ARL15: variants seen among roughly 807,000 people sequenced by gnomAD.
ARL15 encodes the protein ARF like GTPase 15.
Under a neutral mutation model 25.2 loss-of-function variants are expected in ARL15, and 19 were observed. The observed-to-expected ratio is 0.75, with a 90% CI of 0.53 to 1.10. ARL15 has a LOEUF of 1.10. ARL15 is among the 50% of genes least tolerant of loss of function. ARL15 has a pLI of 0.00. For synonymous variants in ARL15, 94 were observed against 86.8 expected, an observed-to-expected ratio of 1.08 and a Z score of -0.46; for missense variants, 220 against 246.0, an observed-to-expected ratio of 0.89 and a Z score of 0.71.
chr5:54,300,674 C>G (rs1205584398), intron 1 of ARL15, among the ~76,000 whole-genome samples: 1 of 152,234 alleles, frequency 6.6e-6, no homozygotes, highest in Non-Finnish European at 1.5e-5. Flanking sequence ...TTACAAAATT[C>G]TGGCAATTCT....
chr5:54,079,592 C>A (rs796326804), intron 4 of ARL15, among the ~76,000 whole-genome samples: 19 of 152,104 alleles, frequency 1.2e-4, no homozygotes, highest in Admixed American at 3.3e-4. Flanking sequence ...TAGATAGATA[C>A]CTGTAGAAAA....
chr5:54,038,828 C>T (rs1161373751), intron 4 of ARL15, among the ~76,000 whole-genome samples: 1 of 152,078 alleles, frequency 6.6e-6, no homozygotes, highest in East Asian at 1.9e-4. Flanking sequence ...TATATTCATA[C>T]CCCATTTCCA....
intron 1 of ARL15, among the ~76,000 whole-genome samples, chr5:54,293,373 TATC>T (rs1351651457): frequency 2.0e-5 from 3 of 152,168 alleles, no homozygotes; most frequent in South Asian, 2.1e-4. Flanking sequence ...TGTAAGTAAA[TATC>T]ATAAATATAG....
chr5:54,299,838 C>A (rs1327317387), intron 1 of ARL15, among the ~76,000 whole-genome samples: 1 of 152,026 alleles, frequency 6.6e-6, no homozygotes, highest in African/African-American at 2.4e-5. Context: ...ACATACACCT[C>A]GGCCTCTCAA....
intron 4 of ARL15, among the ~76,000 whole-genome samples, chr5:54,078,290 A>G (rs156438): frequency 0.77 from 117,776 of 152,006 alleles, 45,914 homozygotes; most frequent in Non-Finnish European, 0.8. Context: ...CTTACTCCAC[A>G]GGCTGGTCTG....
At chr5:54,092,073 C>CACACA (rs143647206) in intron 4 of ARL15, among the ~76,000 whole-genome samples, 35 of 149,810 alleles carry the variant, frequency 2.3e-4, no homozygotes, top group African/African-American at 7.4e-4. Context: ...CACACACACA[C>CACACA]CACCACCACC....
intron 3 of ARL15, among the ~76,000 whole-genome samples, chr5:54,146,701 AAGAGG>A (rs1753921185): frequency 6.6e-6 from 1 of 152,178 alleles, no homozygotes; most frequent in Non-Finnish European, 1.5e-5. Context: ...ATGGCCCCTG[AAGAGG>A]AAACAGTGGT....
At chr5:54,090,174 C>T (rs576729731) in intron 4 of ARL15, among the ~76,000 whole-genome samples, 1 of 152,122 alleles carries the variant, frequency 6.6e-6, no homozygotes, top group Non-Finnish European at 1.5e-5. Context: ...ACCCAAATGT[C>T]CATCAACAGT....
intron 4 of ARL15, among the ~76,000 whole-genome samples, chr5:54,041,842 C>A (rs1750351615): frequency 6.6e-6 from 1 of 152,088 alleles, no homozygotes; most frequent in Non-Finnish European, 1.5e-5. Flanking sequence ...AAAGGCGGAG[C>A]AAGGATTTGA....
intron 4 of ARL15, among the ~76,000 whole-genome samples, chr5:53,915,041 C>T (rs1745593021): frequency 6.6e-6 from 1 of 152,150 alleles, no homozygotes. Context: ...AAACTCCTGA[C>T]CTCAAGTGAT....
rs1758213837 is a variant in ARL15 at position 54,287,553 on chromosome 5, AAT to A, written c.48+22877_48+22878del. ...AATGCGCAAGCATCTGAGGGCTGCT[AAT>A]GCATGCCCTAGACACCTTCCTAGTC... On this transcript the variant is annotated intron_variant, in intron 1 of 4. Transcript: ENST00000504924. Among the ~76,000 whole-genome samples, 3 of 151,938 alleles carry A rather than the reference AAT, an allele frequency of 2.0e-5. No homozygotes were observed. The South Asian group carries it at 6.3e-4, about 32-fold the overall frequency.
chr5:53,989,151 A>G (rs1272216240), intron 4 of ARL15, among the ~76,000 whole-genome samples: 3 of 152,202 alleles, frequency 2.0e-5, no homozygotes, highest in African/African-American at 4.8e-5. Context: ...CAGGCAAAGT[A>G]CTTAACATCC....
At chr5:53,946,784 A>G (rs997111778) in intron 4 of ARL15, among the ~76,000 whole-genome samples, 2 of 152,220 alleles carry the variant, frequency 1.3e-5, no homozygotes, top group African/African-American at 2.4e-5. Context: ...ATCCATCCAT[A>G]GTAAAAAGCT....
chr5:54,004,017 C>T (rs896957288), intron 4 of ARL15, among the ~76,000 whole-genome samples: 2 of 152,154 alleles, frequency 1.3e-5, no homozygotes, highest in African/African-American at 4.8e-5. Flanking sequence ...ACTAACTCCA[C>T]CTTAAAATCT....
chr5:54,156,496 T>G (rs1362628688), intron 2 of ARL15, among the ~76,000 whole-genome samples: 1 of 152,260 alleles, frequency 6.6e-6, no homozygotes, highest in Non-Finnish European at 1.5e-5. Flanking sequence ...CGTTGATGAT[T>G]CAATCATTAG....
At chr5:54,020,701 C>T (rs1217343717) in intron 4 of ARL15, among the ~76,000 whole-genome samples, 1 of 152,046 alleles carries the variant, frequency 6.6e-6, no homozygotes, top group Non-Finnish European at 1.5e-5. Context: ...CTCCTGTAAT[C>T]CCAGCACTTT....
intron 4 of ARL15, among the ~76,000 whole-genome samples, chr5:54,038,287 T>C (rs1034124598): frequency 4.6e-5 from 7 of 152,122 alleles, no homozygotes; most frequent in African/African-American, 1.7e-4. Flanking sequence ...TGGCCTAATC[T>C]GATTCTCTGC....
At chr5:53,905,368 T>C (rs1745217296) in intron 4 of ARL15, among the ~76,000 whole-genome samples, 1 of 152,192 alleles carries the variant, frequency 6.6e-6, no homozygotes, top group African/African-American at 2.4e-5. Context: ...TTCATCTCTA[T>C]GAAAGCATAT....
At chr5:54,101,981 C>A (rs562160086) in intron 4 of ARL15, among the ~76,000 whole-genome samples, 1 of 150,992 alleles carries the variant, frequency 6.6e-6, no homozygotes, top group East Asian at 2.0e-4. Flanking sequence ...ACTTAACTCT[C>A]CAATAAATTT....
Sources: allele counts gnomAD v4.1 joint callset (sites outside exome capture counted in the v4.1 genomes callset), GRCh38; gene constraint gnomAD v4.1.1; transcripts MANE v1.5; gene names NCBI Gene and HGNC (gene_info 2026-07-23, HGNC 2026-07-21).